ITGA6: variants seen among roughly 807,000 people sequenced by gnomAD.
The protein encoded by ITGA6 is integrin alpha-6.
A neutral mutation model predicts 133.6 loss-of-function variants in ITGA6; 63 were observed. The observed-to-expected ratio is 0.47, with a 90% CI of 0.38 to 0.58. The LOEUF is 0.58. Ranked by LOEUF, ITGA6 falls within the 20% of genes least tolerant of loss-of-function variation. The probability of loss-of-function intolerance (pLI) is 0.00; values close to 1 mark genes in which losing one functional copy is unlikely to be tolerated. For synonymous variants in ITGA6, 434 were observed against 482.0 expected (o/e 0.90, Z 1.30); for missense variants, 1,068 against 1,309.4 (o/e 0.82, Z 2.85).
chr2:172,466,946 T>C (rs1443965431), intron 2 of ITGA6, among the ~76,000 whole-genome samples: 1 of 152,176 alleles, frequency 6.6e-6, no homozygotes, highest in Non-Finnish European at 1.5e-5. Context: ...ACAGTAACTC[T>C]CCTGTTTGGC....
intron 11 of ITGA6, among the ~76,000 whole-genome samples, chr2:172,481,591 C>T (rs1686442249): frequency 6.6e-6 from 1 of 152,172 alleles, no homozygotes; most frequent in Admixed American, 6.5e-5. Context: ...AGTTAGCCTT[C>T]ATCTTTCCAG....
rs886055130 is a variant in ITGA6, at chr2:172,504,118, G to A, written c.*50G>A. ...TGGATTCTTTAAACGCTCTAGGTAC[G>A]ATGACAGTGTTCCCCGATACCATGC... On this transcript the variant is annotated 3_prime_UTR_variant, in exon 26 of 26. Transcript: ENST00000684293. 8 of 1,597,718 alleles carry A rather than the reference G, an allele frequency of 5.0e-6. No individual in the cohort carries two copies. Among genetic ancestry groups the A allele is most frequent in the East Asian group, 2.2e-5 (1 of 44,550 alleles).
chr2:172,466,037 G>A (rs541263238), intron 2 of ITGA6: 7 of 335,588 alleles, frequency 2.1e-5, no homozygotes, highest in South Asian at 1.8e-4. Flanking sequence ...AAAATATTTG[G>A]GAGAAAGACA....
At chr2:172,488,281 G>A (rs978828598) in intron 19 of ITGA6, 53 bp downstream of exon 19, 2 of 1,070,236 alleles carry the variant, frequency 1.9e-6, no homozygotes, top group Admixed American at 3.4e-5. Context: ...CATATACTAG[G>A]TATGGTCTTG....
chr2:172,435,612 G>GTTTTTT (rs1684284876), intron 1 of ITGA6, among the ~76,000 whole-genome samples: 2 of 113,088 alleles, frequency 1.8e-5, no homozygotes, highest in African/African-American at 7.6e-5. Flanking sequence ...CAAGAGTTTT[G>GTTTTTT]TTTCTTTTTT....
chr2:172,466,761 A>G (rs1685692269), intron 2 of ITGA6, among the ~76,000 whole-genome samples: 1 of 151,862 alleles, frequency 6.6e-6, no homozygotes, highest in Non-Finnish European at 1.5e-5. Flanking sequence ...ACATTTTGGC[A>G]TTTTTCCTTC....
chr2:172,429,258 GGCTATAT>G lies in ITGA6; in HGVS notation c.182+1291_182+1297del, dbSNP rs1290033642. Among the ~76,000 whole-genome samples the G allele has an allele frequency of 5.9e-5, 9 of 152,160 alleles. No individual in the cohort carries two copies. In the East Asian group the frequency reaches 1.7e-3, roughly 29 times the overall value. On this transcript the variant is annotated intron_variant, in intron 1 of 25. Transcript: ENST00000684293. Reference sequence around the variant, plus strand: ...GGGAGGCTCTAGGAGGGTGGTCTGAGGCTATATGCCTGGCCAGCTGCTTATACTCTGC... The same window carrying G: ...GGGAGGCTCTAGGAGGGTGGTCTGAGGCCTGGCCAGCTGCTTATACTCTGC...
intron 1 of ITGA6, among the ~76,000 whole-genome samples, chr2:172,429,685 G>T (rs1196063600): frequency 2.6e-5 from 4 of 152,178 alleles, no homozygotes; most frequent in Non-Finnish European, 4.4e-5. Flanking sequence ...AACTCCTCCC[G>T]AGGTAAGGAT....
At position 172,474,102 on chromosome 2, in the gene ITGA6, A is replaced by C; in HGVS notation, c.823A>C (p.Thr275Pro). 5 of 1,613,918 alleles carry C rather than the reference A, an allele frequency of 3.1e-6. No homozygotes were observed. The highest frequency in any genetic ancestry group is 4.2e-6 in the Non-Finnish European group (5 of 1,180,024). The change falls in exon 6 of 26, where the codon ACT (threonine) becomes CCT (proline). Residue 275 changes from threonine to proline, a missense_variant. By Grantham distance (38) the Thr-to-Pro change is conservative (BLOSUM62 -1). Coordinates refer to ENST00000684293, the MANE Select transcript of ITGA6 (RefSeq NM_000210.4). ...AGGTATTGTTTCTAAAGATGAGATC[A>C]CTTTTGTATCTGGTGCTCCCAGAGC... ...GKGIVSKDEI[T>P]FVSGAPRANH... is the part of the protein sequence containing the mutation.
In ITGA6 at chr2:172,427,943, G is replaced by A; in HGVS notation, c.155G>A (p.Trp52Ter). The stretch of plus-strand genomic sequence containing the variant: ...TTCGGCTTCTCGCTGGCCATGCACT[G>A]GCAACTGCAGCCCGAGGACAAGCGG... ...SLFGFSLAMH[W>*]QLQPEDKRLL... The change falls in exon 1 of 26, where the codon TGG becomes TAG. Residue 52 changes from tryptophan to a stop codon, truncating the protein, a stop_gained. Coordinates refer to ENST00000684293, the MANE Select transcript of ITGA6 (RefSeq NM_000210.4). LOFTEE classifies it high-confidence loss of function. 1 of 1,606,544 alleles carries A rather than the reference G, an allele frequency of 6.2e-7. No homozygotes were observed. The highest frequency in any genetic ancestry group is 8.5e-7 in the Non-Finnish European group (1 of 1,176,970).
chr2:172,468,980 G>C, intron 3 of ITGA6, 145 bp from the exon 4 acceptor site: 1 of 824,486 alleles, frequency 1.2e-6, no homozygotes, highest in Non-Finnish European at 2.0e-6. Context: ...AATATTTGCT[G>C]GTCTGGGATC....
chr2:172,458,643 G>A (rs892854144), intron 1 of ITGA6, among the ~76,000 whole-genome samples: 1 of 152,122 alleles, frequency 6.6e-6, no homozygotes. Context: ...CCTGCTCAGG[G>A]TGAGAGCGAG....
intron 1 of ITGA6, among the ~76,000 whole-genome samples, chr2:172,462,810 G>T (rs1404494958): frequency 6.6e-6 from 1 of 152,132 alleles, no homozygotes; most frequent in African/African-American, 2.4e-5. Flanking sequence ...AGAAGCCTGG[G>T]GTTCAGAGGG....
Position 172,491,578 on chromosome 2 carries a change from C to T in ITGA6, c.2988+55C>T. The T allele has an allele frequency of 1.8e-6, 2 of 1,139,392 alleles. No homozygotes were observed. Among genetic ancestry groups the T allele is most frequent in the South Asian group, 1.3e-5 (1 of 79,510 alleles). The allele number at this position is 1,139,392 out of a possible 1,614,324, so 70.6% of individuals were successfully genotyped here. A position where few individuals can be genotyped will look rare whatever the true frequency, so the allele number is the denominator to read the frequency against. On this transcript the variant is annotated intron_variant, in intron 23 of 25. Coordinates refer to ENST00000684293, the MANE Select transcript of ITGA6 (RefSeq NM_000210.4). This position sits in a 1 kb window ranked among gnomAD's most constrained non-coding sequence, Gnocchi z 4.4. ...CAGAACATGTCTCTTTTCCCTGTAC[C>T]CCACACTCATGTCCTGAAGTCATGT...
chr2:172,456,156 C>G (rs921377170), intron 1 of ITGA6, among the ~76,000 whole-genome samples: 12 of 152,160 alleles, frequency 7.9e-5, no homozygotes, highest in African/African-American at 2.7e-4. Context: ...CCCCCTGCAG[C>G]CAGAGGAGAG....
intron 1 of ITGA6, among the ~76,000 whole-genome samples, chr2:172,450,425 G>A (rs1415469464): frequency 6.6e-6 from 1 of 152,190 alleles, no homozygotes. Context: ...AGCAGACAGT[G>A]AAAGTGGCCA....
rs530285028 is a variant in ITGA6, at chr2:172,482,597, C to T, written c.1550-2185C>T. ...TTGGCAGATAAACGGTTTTCCTGCACCCACACCTCCCATACTTTTGCTGTG... is the reference window on the plus strand; with the variant it reads ...TTGGCAGATAAACGGTTTTCCTGCATCCACACCTCCCATACTTTTGCTGTG... On this transcript the variant is annotated intron_variant, in intron 11 of 25. Transcript: ENST00000684293. Among the ~76,000 whole-genome samples the T allele has an allele frequency of 6.6e-5, 10 of 152,096 alleles. No individual in the cohort carries two copies. The East Asian group carries it at 1.9e-3, about 29-fold the overall frequency.
chr2:172,496,354 G>A (rs187496379), intron 23 of ITGA6, among the ~76,000 whole-genome samples: 120 of 152,316 alleles, frequency 7.9e-4, no homozygotes, highest in African/African-American at 2.8e-3. Context: ...ATGCCTGCCT[G>A]TTACCATCAG....
chr2:172,444,802 C>CGA (rs983304146), intron 1 of ITGA6, among the ~76,000 whole-genome samples: 2 of 149,774 alleles, frequency 1.3e-5, no homozygotes, highest in African/African-American at 4.9e-5. Context: ...CCCTCATAAG[C>CGA]GAGGAGCCCC....
Sources: gnomAD v4.1 joint callset for allele counts (sites outside exome capture counted in the v4.1 genomes callset) on GRCh38, gnomAD v4.1.1 for gene constraint, Gnocchi (gnomAD v3.1) non-coding constraint, MANE v1.5 for transcripts, NCBI Gene and HGNC (gene_info 2026-07-23, HGNC 2026-07-21) for gene names.